Variants in CACNA1I observed in about 807,000 individuals in gnomAD.
CACNA1I encodes voltage-dependent T-type calcium channel subunit alpha-1I.
CACNA1I carries 74 observed loss-of-function variants against 201.6 expected under a neutral mutation model. That is an observed-to-expected ratio of 0.37 (90% confidence interval 0.30 to 0.45). The LOEUF (loss-of-function observed/expected upper bound fraction) is 0.45, where lower values mean the gene tolerates loss of function less well. Ranked by LOEUF, CACNA1I falls within the 20% of genes least tolerant of loss-of-function variation. The pLI is 1.00. For synonymous variants in CACNA1I, 1,431 were observed against 1,345.2 expected (o/e 1.06, Z -1.40); for missense variants, 2,346 against 3,138.1 (o/e 0.75, Z 6.03).
At chr22:39,633,365 A>G (rs1249782205) in intron 4 of CACNA1I, among the ~76,000 whole-genome samples, 1 of 152,186 alleles carries the variant, frequency 6.6e-6, no homozygotes. Flanking sequence ...ATAAGACGAG[A>G]TATTGATATG....
At chr22:39,651,011 C>A (rs903694831) in intron 10 of CACNA1I, among the ~76,000 whole-genome samples, 1 of 152,146 alleles carries the variant, frequency 6.6e-6, no homozygotes, top group African/African-American at 2.4e-5. Flanking sequence ...CAGGTCTGGT[C>A]CTGCCCCATT....
At chr22:39,590,011 G>A (rs927901617) in intron 1 of CACNA1I, among the ~76,000 whole-genome samples, 44 of 152,140 alleles carry the variant, frequency 2.9e-4, no homozygotes, top group African/African-American at 1.0e-3. Context: ...CAGAAACTGA[G>A]TGTCGCCTGG....
At chr22:39,588,589 G>A (rs1032069171) in intron 1 of CACNA1I, among the ~76,000 whole-genome samples, 17 of 151,760 alleles carry the variant, frequency 1.1e-4, no homozygotes, top group South Asian at 2.1e-4. Context: ...GTTTCACCGC[G>A]TTAGCCAAGA....
chr22:39,639,729 T>C (rs1288687336), intron 5 of CACNA1I, among the ~76,000 whole-genome samples: 1 of 152,230 alleles, frequency 6.6e-6, no homozygotes, highest in Non-Finnish European at 1.5e-5. Context: ...GATGGGTCCC[T>C]CCTTTCTCTG....
chr22:39,658,146 C>T lies in CACNA1I; in HGVS notation c.1993-6C>T, dbSNP rs1335580570. The T allele has an allele frequency of 3.1e-6, 5 of 1,613,526 alleles. No individual in the cohort carries two copies. The highest frequency in any genetic ancestry group is 1.7e-4 in the Middle Eastern group (1 of 6,016). On this transcript the variant is annotated splice_polypyrimidine_tract_variant and splice_region_variant and intron_variant, in intron 10 of 36. Transcript: ENST00000402142. ...GGTCTCCATTCCCCACCCCAATGCC[C>T]CACAGCCGGAGGAGCTGACCAACAT... is the stretch of plus-strand genomic sequence containing the variant.
chr22:39,649,593 C>T lies in CACNA1I; in HGVS notation c.1660C>T (p.Pro554Ser). ...ATLASDPASC[P>S]CCQHEDGRRP... ...GCTGGCTTCCGATCCCGCCAGCTGC[C>T]CTTGCTGCCAGCATGAGGACGGCCG... The change falls in exon 10 of 37, where the codon CCT (proline) becomes TCT (serine). Residue 554 changes from proline to serine, a missense_variant. Coordinates refer to ENST00000402142, the MANE Select transcript of CACNA1I (RefSeq NM_021096.4). The surrounding 1 kb of genome is among the most constrained non-coding windows in gnomAD (Gnocchi z 7.3). 6.5e-7 allele frequency: 1 copy of T among 1,544,096 alleles called. No homozygotes were observed. Among genetic ancestry groups the T allele is most frequent in the South Asian group, 1.2e-5 (1 of 83,002 alleles).
rs1268942220 is a variant in CACNA1I, at chr22:39,686,435, C to T, written c.*30C>T. The T allele has an allele frequency of 8.3e-7, 1 of 1,210,652 alleles. No individual in the cohort carries two copies. The highest frequency in any genetic ancestry group is 3.4e-5 in the East Asian group (1 of 29,428). The allele number at this position is 1,210,652 out of a possible 1,614,324, so 75.0% of individuals were successfully genotyped here. ...CGCAGGGGCCCCCGGCCGCCCACCG[C>T]CCGCCCCGTCTCACCTTCTTTACCT... On this transcript the variant is annotated 3_prime_UTR_variant, in exon 37 of 37. Transcript: ENST00000402142.
chr22:39,573,360 G>A (rs1326036538), intron 1 of CACNA1I, among the ~76,000 whole-genome samples: 1 of 152,136 alleles, frequency 6.6e-6, no homozygotes, highest in African/African-American at 2.4e-5. Flanking sequence ...GCAGGGGCAT[G>A]GCTCAGAGGA....
In CACNA1I at chr22:39,659,774, T is replaced by C. The variant is rs754954040; in HGVS notation, c.2526T>C (p.Phe842=). 5.0e-6 allele frequency: 8 copies of C among 1,613,850 alleles called. No homozygotes were observed. The Admixed American group carries it at 1.3e-4, about 27-fold the overall frequency. The change falls in exon 14 of 37, where the codon TTT becomes TTC. Residue 842 remains phenylalanine, a synonymous_variant. Coordinates refer to ENST00000402142, the MANE Select transcript of CACNA1I (RefSeq NM_021096.4). This position sits in a 1 kb window ranked among gnomAD's most constrained non-coding sequence, Gnocchi z 4.3. ...CTTCTCCCTGGGCCTCCCTCTACTT[T>C]GTCGCCCTCATGACCTTCGGCAACT... ...ASTSPWASLY[F]VALMTFGNYV... is the part of the protein sequence containing the mutation.
chr22:39,592,957 CG>C (rs1361754537), intron 1 of CACNA1I, among the ~76,000 whole-genome samples: 1 of 152,198 alleles, frequency 6.6e-6, no homozygotes, highest in Non-Finnish European at 1.5e-5. Flanking sequence ...TCAGGAACCG[CG>C]GGCAGTGATG....
Position 39,686,161 on chromosome 22 carries a change from C to G in CACNA1I, c.6428C>G (p.Pro2143Arg). ...CTCTTCTGCCCGCCGCCCCCGCCGC[C>G]AGCCCCCGGCCTCACGCCCGCCAGG... ...TSLFCPPPPP[P>R]APGLTPARKF... Residue 2143 changes from proline (P) to arginine (R), a missense_variant, in exon 37 of 37, where the codon CCA becomes CGA. Around this residue, in one of 13 missense-constraint regions of CACNA1I, gnomAD observed 187 missense variants for 151.0 expected, o/e 1.24. Coordinates refer to ENST00000402142, the MANE Select transcript of CACNA1I (RefSeq NM_021096.4). 7.8e-7 allele frequency: 1 copy of G among 1,282,742 alleles called. No individual in the cohort carries two copies. The highest frequency in any genetic ancestry group is 2.5e-5 in the South Asian group (1 of 39,804). 79.5% of individuals were successfully genotyped at this position (1,282,742 alleles called of 1,614,324 possible). A position where few individuals can be genotyped will look rare whatever the true frequency, so the allele number is the denominator to read the frequency against.
At chr22:39,583,201 C>CATCT in intron 1 of CACNA1I, among the ~76,000 whole-genome samples, 1 of 130,826 alleles carries the variant, frequency 7.6e-6, no homozygotes, top group Non-Finnish European at 1.7e-5. Flanking sequence ...TCCAACAATC[C>CATCT]ATCCATCCAT....
In CACNA1I at chr22:39,679,705, C is replaced by A; in HGVS notation, c.5395-17C>A. On this transcript the variant is annotated splice_polypyrimidine_tract_variant and intron_variant, in intron 32 of 36. Transcript: ENST00000402142. ...CTGATAATCCCGCCTGTCCCCACCCCGTCCCCGTCCGCCTAGGAGAACCTG... is the reference window on the plus strand; with the variant it reads ...CTGATAATCCCGCCTGTCCCCACCCAGTCCCCGTCCGCCTAGGAGAACCTG... The A allele has an allele frequency of 6.2e-7, 1 of 1,604,226 alleles. No individual in the cohort carries two copies.
chr22:39,590,400 CT>C (rs1294596205), intron 1 of CACNA1I, among the ~76,000 whole-genome samples: 1 of 152,206 alleles, frequency 6.6e-6, no homozygotes, highest in East Asian at 1.9e-4. Context: ...TGGAGCATCT[CT>C]CTTCCTGACC....
intron 10 of CACNA1I, chr22:39,656,482 G>C: frequency 1.9e-6 from 1 of 515,824 alleles, no homozygotes; most frequent in South Asian, 1.4e-5. Flanking sequence ...CCTGGCGTCA[G>C]CACACACTGG....
Position 39,603,293 on chromosome 22 carries a change from C to T in CACNA1I, c.482+2640C>T, listed in dbSNP as rs1351890597. 3.3e-5 allele frequency among the ~76,000 whole-genome samples: 5 copies of T among 152,128 alleles called. No individual in the cohort carries two copies. In the East Asian group the frequency reaches 5.8e-4, roughly 18 times the overall value. On this transcript the variant is annotated intron_variant, in intron 3 of 36. Transcript: ENST00000402142. Reference sequence around the variant, plus strand: ...ATGTTTCTGTCCTCTATCTTTTGTCCATGCCTTTCCCCTTTTCTTTCACAG... The same window carrying T: ...ATGTTTCTGTCCTCTATCTTTTGTCTATGCCTTTCCCCTTTTCTTTCACAG...
chr22:39,658,997 C>T lies in CACNA1I; in HGVS notation c.2211C>T (p.Arg737=), dbSNP rs780725307. The T allele has an allele frequency of 2.4e-5, 39 of 1,610,354 alleles. No individual in the cohort carries two copies. The highest frequency in any genetic ancestry group is 3.3e-4 in the Middle Eastern group (2 of 6,082). Residue 737 remains arginine (R), a synonymous_variant, in exon 12 of 37, where the codon CGC becomes CGT. Transcript: ENST00000402142. Reference sequence around the variant, plus strand: ...TGCTGCGGACCTTCCGGCTGCTGCGCGTGCTGAAACTGGTGCGCTTCATGC... The same window carrying T: ...TGCTGCGGACCTTCCGGCTGCTGCGTGTGCTGAAACTGGTGCGCTTCATGC... ...LSVLRTFRLL[R]VLKLVRFMPA...
chr22:39,663,977 G>C, intron 19 of CACNA1I, 114 bp from the exon 20 acceptor site: 1 of 1,514,312 alleles, frequency 6.6e-7, no homozygotes, highest in Non-Finnish European at 9.1e-7. Flanking sequence ...GAAAGCCTCC[G>C]TGAACTGAGA....
intron 1 of CACNA1I, among the ~76,000 whole-genome samples, chr22:39,582,610 G>A (rs1932591796): frequency 6.6e-6 from 1 of 152,048 alleles, no homozygotes; most frequent in African/African-American, 2.4e-5. Context: ...GACTGAGAGT[G>A]GGGATCCCTG....
Sources: allele counts gnomAD v4.1 joint callset (sites outside exome capture counted in the v4.1 genomes callset), GRCh38; gene constraint gnomAD v4.1.1; regional missense constraint gnomAD v4.1.1; non-coding constraint Gnocchi (gnomAD v3.1); transcripts MANE v1.5; gene names NCBI Gene and HGNC (gene_info 2026-07-23, HGNC 2026-07-21).